PDE3A: variants seen among roughly 807,000 people sequenced by gnomAD.
PDE3A encodes the protein phosphodiesterase 3A.
A neutral mutation model predicts 98.3 loss-of-function variants in PDE3A; 43 were observed. The observed-to-expected ratio is 0.44, with a 90% confidence interval of 0.34 to 0.56. PDE3A has a LOEUF of 0.56. Among genes scored for constraint, PDE3A ranks in the 20% least tolerant of loss-of-function variants. The pLI is 0.01. For synonymous variants in PDE3A, 663 were observed against 567.9 expected (o/e 1.17, Z -2.38); for missense variants, 1,427 against 1,440.7 (o/e 0.99, Z 0.15).
intron 1 of PDE3A, among the ~76,000 whole-genome samples, chr12:20,414,231 C>T (rs1023294236): frequency 5.3e-5 from 8 of 152,092 alleles, no homozygotes; most frequent in African/African-American, 1.7e-4. Flanking sequence ...AATAAGGCCA[C>T]GGAATTAGAC....
chr12:20,664,101 C>T (rs1204087451), intron 15 of PDE3A, among the ~76,000 whole-genome samples: 1 of 152,090 alleles, frequency 6.6e-6, no homozygotes, highest in Non-Finnish European at 1.5e-5. Context: ...TTCCTGCCAC[C>T]ATGTGAATTA....
At chr12:20,668,449 G>C (rs1478175880) in intron 15 of PDE3A, among the ~76,000 whole-genome samples, 1 of 152,078 alleles carries the variant, frequency 6.6e-6, no homozygotes, top group Non-Finnish European at 1.5e-5. Flanking sequence ...AAATGTCCCT[G>C]TCTGACAGCT....
chr12:20,447,239 A>C (rs1169040673), intron 1 of PDE3A, among the ~76,000 whole-genome samples: 1 of 152,210 alleles, frequency 6.6e-6, no homozygotes, highest in Non-Finnish European at 1.5e-5. Flanking sequence ...AAGTAGAGCC[A>C]GTTGAATTTG....
At position 20,544,165 on chromosome 12, in the gene PDE3A, CATT is replaced by C. The variant is rs1211509423; in HGVS notation, c.961-12492_961-12490del. 2.0e-5 allele frequency among the ~76,000 whole-genome samples: 3 copies of C among 148,836 alleles called. No homozygotes were observed. In the Admixed American group the frequency reaches 2.0e-4, roughly 10 times the overall value. On this transcript the variant is annotated intron_variant, in intron 1 of 15. Transcript: ENST00000359062. ...GAGCATAAGATATATAAATATAAAA[CATT>C]ATATATAATATATATTCAAATATAT... is the stretch of plus-strand genomic sequence containing the variant.
At chr12:20,665,955 A>ATTT (rs1565469163) in intron 15 of PDE3A, among the ~76,000 whole-genome samples, 1 of 123,410 alleles carries the variant, frequency 8.1e-6, no homozygotes, top group African/African-American at 3.0e-5. Context: ...AGTATTTGTC[A>ATTT]TTTCTTTTTT....
chr12:20,621,151 A>C (rs11045336), intron 4 of PDE3A, 145 bp from the exon 5 acceptor site: 1 of 611,914 alleles, frequency 1.6e-6, no homozygotes, highest in African/African-American at 1.9e-5. Context: ...TTGGAAGTAC[A>C]GTGGTTCTGT....
rs1944780367 is a variant in PDE3A at position 20,646,486 on chromosome 12, A to C, written c.2252-4A>C. The stretch of plus-strand genomic sequence containing the variant: ...TGATGACTGTTCCTGTTCACTGGTT[A>C]CAGATCATAACAGAATCCATGCCAC... On this transcript the variant is annotated splice_polypyrimidine_tract_variant and splice_region_variant and intron_variant, in intron 10 of 15. Coordinates refer to ENST00000359062, the MANE Select transcript of PDE3A (RefSeq NM_000921.5). 1 of 1,508,914 alleles carries C rather than the reference A, an allele frequency of 6.6e-7. No individual in the cohort carries two copies. The highest frequency in any genetic ancestry group is 9.2e-7 in the Non-Finnish European group (1 of 1,084,402). 93.5% of individuals were successfully genotyped at this position (1,508,914 alleles called of 1,614,324 possible). A position where few individuals can be genotyped will look rare whatever the true frequency, so the allele number is the denominator to read the frequency against.
chr12:20,421,360 T>C (rs1426377052), intron 1 of PDE3A, among the ~76,000 whole-genome samples: 1 of 152,204 alleles, frequency 6.6e-6, no homozygotes, highest in Admixed American at 6.5e-5. Context: ...ATCAAATAAA[T>C]TAATGTTTTT....
intron 1 of PDE3A, among the ~76,000 whole-genome samples, chr12:20,386,631 C>T (rs1281590385): frequency 6.6e-6 from 1 of 151,814 alleles, no homozygotes; most frequent in Admixed American, 6.6e-5. Flanking sequence ...AGAGCCACTG[C>T]GCCTGGCCTT....
At chr12:20,613,936 C>T (rs1943934235) in intron 3 of PDE3A, among the ~76,000 whole-genome samples, 1 of 152,084 alleles carries the variant, frequency 6.6e-6, no homozygotes, top group South Asian at 2.1e-4. Flanking sequence ...TTTATTTAAT[C>T]TTTCATGTTA....
chr12:20,542,743 T>C (rs1470823679), intron 1 of PDE3A, among the ~76,000 whole-genome samples: 2 of 152,046 alleles, frequency 1.3e-5, no homozygotes, highest in Non-Finnish European at 2.9e-5. Context: ...TTCCCTAGGA[T>C]TTCCAATTTT....
rs74766455 is a variant in PDE3A, at chr12:20,598,918, C to T, written c.1012-14525C>T. Among the ~76,000 whole-genome samples, 1,220 of 152,288 alleles carry T rather than the reference C, an allele frequency of 8.0e-3. 17 individuals are homozygous for T. Among genetic ancestry groups the T allele is most frequent in the African/African-American group, 0.028 (1,165 of 41,558 alleles). ...TGGCAGCCTTGGTCAAATCAGCCTT[C>T]TTCTATGCCACACCTTAATCTTCCT... On this transcript the variant is annotated intron_variant, in intron 2 of 15. Coordinates refer to ENST00000359062, the MANE Select transcript of PDE3A (RefSeq NM_000921.5).
intron 1 of PDE3A, among the ~76,000 whole-genome samples, chr12:20,518,603 T>TC (rs1946364131): frequency 3.3e-5 from 5 of 152,116 alleles, no homozygotes; most frequent in Admixed American, 2.6e-4. Flanking sequence ...TTGGAGTATT[T>TC]CCATATTTGG....
intron 2 of PDE3A, among the ~76,000 whole-genome samples, chr12:20,590,937 C>G (rs761080710): frequency 6.6e-6 from 1 of 152,186 alleles, no homozygotes; most frequent in Non-Finnish European, 1.5e-5. Flanking sequence ...CTTTGCACGT[C>G]CTAGCTCCCT....
At chr12:20,582,037 A>AT (rs199574476) in intron 2 of PDE3A, among the ~76,000 whole-genome samples, 4,886 of 151,484 alleles carry the variant, frequency 0.032, 102 homozygotes, top group Non-Finnish European at 0.047. Context: ...TTAGGTTGGG[A>AT]TTTTTTTTTA....
At chr12:20,542,898 G>A (rs1941956209) in intron 1 of PDE3A, among the ~76,000 whole-genome samples, 1 of 151,808 alleles carries the variant, frequency 6.6e-6, no homozygotes, top group Non-Finnish European at 1.5e-5. Flanking sequence ...AAATATATAG[G>A]GAAACAGAGA....
At chr12:20,471,929 C>T (rs1340169857) in intron 1 of PDE3A, among the ~76,000 whole-genome samples, 1 of 152,074 alleles carries the variant, frequency 6.6e-6, no homozygotes, top group East Asian at 1.9e-4. Context: ...TTTTAACCAG[C>T]GTGGCATTGA....
At chr12:20,415,254 T>C (rs1197720581) in intron 1 of PDE3A, among the ~76,000 whole-genome samples, 1 of 151,996 alleles carries the variant, frequency 6.6e-6, no homozygotes, top group Non-Finnish European at 1.5e-5. Flanking sequence ...AGATAAAACA[T>C]GTGTCTGAAT....
Position 20,369,692 on chromosome 12 carries a change from C to A in PDE3A, c.408C>A (p.Leu136=), listed in dbSNP as rs1396416800. ...LSPWLQPSAL[L]FSLLCAFFWM... The stretch of plus-strand genomic sequence containing the variant: ...CCTGGCTGCAGCCCTCGGCGCTGCT[C>A]TTCAGTCTCCTGTGTGCCTTCTTCT... The change falls in exon 1 of 16, where the codon CTC becomes CTA. Residue 136 remains leucine, a synonymous_variant. Coordinates refer to ENST00000359062, the MANE Select transcript of PDE3A (RefSeq NM_000921.5). The A allele has an allele frequency of 8.7e-6, 14 of 1,611,642 alleles. No homozygotes were observed. Among genetic ancestry groups the A allele is most frequent in the Non-Finnish European group, 1.2e-5 (14 of 1,179,542 alleles).
Sources: gnomAD v4.1 joint callset for allele counts (sites outside exome capture counted in the v4.1 genomes callset) on GRCh38, gnomAD v4.1.1 for gene constraint, MANE v1.5 for transcripts, NCBI Gene and HGNC (gene_info 2026-07-23, HGNC 2026-07-21) for gene names.